Variants in EFR3A observed in about 807,000 individuals in gnomAD.
EFR3A encodes the protein protein EFR3 homolog A.
A neutral mutation model predicts 104.4 loss-of-function variants in EFR3A; 76 were observed. The ratio of observed to expected loss-of-function variants is 0.73; its 90% CI spans 0.60 to 0.88. EFR3A has a LOEUF of 0.88. Among genes scored for constraint, EFR3A ranks in the 40% least tolerant of loss-of-function variants. The pLI, the probability that EFR3A is intolerant of heterozygous loss-of-function variation, is 0.00. For synonymous variants in EFR3A, 330 were observed against 330.0 expected, an observed-to-expected ratio of 1.00 and a Z score of 0.00; for missense variants, 985 against 1,012.5, an observed-to-expected ratio of 0.97 and a Z score of 0.37.
chr8:132,004,327 T>C (rs1821931373), intron 22 of EFR3A, among the ~76,000 whole-genome samples: 1 of 152,210 alleles, frequency 6.6e-6, no homozygotes, highest in South Asian at 2.1e-4. Flanking sequence ...AGGTGAGCAG[T>C]GGGCAAGTGA....
At chr8:131,962,894 T>A (rs1819462021) in intron 8 of EFR3A, among the ~76,000 whole-genome samples, 1 of 152,152 alleles carries the variant, frequency 6.6e-6, no homozygotes, top group African/African-American at 2.4e-5. Context: ...GCAATCAAAG[T>A]AGAACTCAGG....
In EFR3A at chr8:131,925,494, G is replaced by T. The variant is rs1394321964; in HGVS notation, c.11-15005G>T. Among the ~76,000 whole-genome samples the T allele has an allele frequency of 2.0e-5, 3 of 151,918 alleles. No individual in the cohort carries two copies. The East Asian group carries it at 5.8e-4, about 29-fold the overall frequency. ...CAATAATATGTGATGAGCATCCAGA[G>T]AATTATATAAAAATGATTATGAAGA... On this transcript the variant is annotated intron_variant, in intron 1 of 22. Transcript: ENST00000254624.
chr8:131,981,814 G>A (rs142799866), intron 14 of EFR3A, among the ~76,000 whole-genome samples: 2 of 151,936 alleles, frequency 1.3e-5, no homozygotes, highest in East Asian at 1.9e-4. Context: ...TTTGAAAAAC[G>A]GTTCCAGGGC....
intron 2 of EFR3A, among the ~76,000 whole-genome samples, chr8:131,943,598 G>A (rs2130569611): frequency 6.6e-6 from 1 of 152,080 alleles, no homozygotes; most frequent in South Asian, 2.1e-4. Flanking sequence ...CTCAACTTAG[G>A]TTCATTTGAC....
At chr8:131,995,267 A>C (rs1475684182) in intron 18 of EFR3A, among the ~76,000 whole-genome samples, 1 of 152,158 alleles carries the variant, frequency 6.6e-6, no homozygotes, top group African/African-American at 2.4e-5. Context: ...ATCAGCCTCT[A>C]ATTCTATATG....
intron 19 of EFR3A, among the ~76,000 whole-genome samples, chr8:131,996,818 C>CT (rs1282097403): frequency 6.6e-6 from 1 of 152,030 alleles, no homozygotes; most frequent in South Asian, 2.1e-4. Flanking sequence ...CAAAGCCTGT[C>CT]ATTAAATTAG....
chr8:131,930,557 A>G (rs1191564970), intron 1 of EFR3A, among the ~76,000 whole-genome samples: 1 of 151,972 alleles, frequency 6.6e-6, no homozygotes, highest in Admixed American at 6.6e-5. Context: ...TTCCTTTACT[A>G]TACTTGAAAT....
chr8:131,965,514 C>T (rs1239746389), intron 8 of EFR3A, among the ~76,000 whole-genome samples: 6 of 152,188 alleles, frequency 3.9e-5, no homozygotes, highest in Non-Finnish European at 8.8e-5. Flanking sequence ...CAATGAGATA[C>T]CATCTCACGC....
chr8:132,001,398 G>T (rs1368731995), intron 19 of EFR3A, among the ~76,000 whole-genome samples: 2 of 152,178 alleles, frequency 1.3e-5, no homozygotes, highest in Non-Finnish European at 2.9e-5. Context: ...CTCTCTCAGA[G>T]CATTGTTTAC....
At chr8:131,942,595 A>C (rs1309072455) in intron 2 of EFR3A, among the ~76,000 whole-genome samples, 1 of 152,112 alleles carries the variant, frequency 6.6e-6, no homozygotes, top group Non-Finnish European at 1.5e-5. Context: ...TTGCTTTCCT[A>C]ATGTCTATCA....
chr8:131,924,993 A>G (rs1817231290), intron 1 of EFR3A, among the ~76,000 whole-genome samples: 1 of 152,080 alleles, frequency 6.6e-6, no homozygotes, highest in Non-Finnish European at 1.5e-5. Context: ...TTCAACAAAA[A>G]TTAGTTAATG....
Position 131,944,766 on chromosome 8 carries a change from A to G in EFR3A, c.109A>G (p.Met37Val). 1 of 1,600,008 alleles carries G rather than the reference A, an allele frequency of 6.2e-7. No individual in the cohort carries two copies. Among genetic ancestry groups the G allele is most frequent in the Non-Finnish European group, 8.5e-7 (1 of 1,173,452 alleles). ...TTAGGATGGCCTTGTGAAAACTGAT[A>G]TGGAGAAATTGACATTTTATGCAGT... ...DPKDGLVKTD[M>V]EKLTFYAVSA... Residue 37 changes from methionine (M) to valine (V), a missense_variant, in exon 3 of 23, where the codon ATG (methionine) becomes GTG (valine). Transcript: ENST00000254624.
intron 18 of EFR3A, 57 bp from the exon 19 acceptor site, chr8:131,996,349 A>T: frequency 9.0e-7 from 1 of 1,106,174 alleles, no homozygotes; most frequent in Non-Finnish European, 1.3e-6. Context: ...GAGTTTATAA[A>T]TGAAAACCAA....
intron 18 of EFR3A, among the ~76,000 whole-genome samples, chr8:131,995,790 TA>T (rs966300760): frequency 6.6e-6 from 1 of 152,164 alleles, no homozygotes; most frequent in Non-Finnish European, 1.5e-5. Flanking sequence ...AGCACTCAGG[TA>T]AAGACAACAT....
intron 2 of EFR3A, among the ~76,000 whole-genome samples, chr8:131,941,648 A>T (rs941688149): frequency 6.6e-6 from 1 of 152,144 alleles, no homozygotes; most frequent in Non-Finnish European, 1.5e-5. Flanking sequence ...TGCATAAATC[A>T]GTAAGTAAAA....
At chr8:131,964,516 G>C (rs1310654168) in intron 8 of EFR3A, among the ~76,000 whole-genome samples, 1 of 151,938 alleles carries the variant, frequency 6.6e-6, no homozygotes. Flanking sequence ...AACTTACAGG[G>C]GATGTGAAGG....
chr8:131,953,222 A>T (rs909625768), intron 5 of EFR3A, among the ~76,000 whole-genome samples: 1 of 152,108 alleles, frequency 6.6e-6, no homozygotes, highest in Non-Finnish European at 1.5e-5. Context: ...ATATTGATAC[A>T]TTTTAAGTCA....
intron 8 of EFR3A, 100 bp from the exon 9 acceptor site, chr8:131,968,195 T>C: frequency 2.7e-6 from 3 of 1,109,656 alleles, no homozygotes; most frequent in Non-Finnish European, 3.8e-6. Flanking sequence ...CACCAGTCAC[T>C]AATTGGTCAT....
chr8:131,915,848 G>A (rs182328528), intron 1 of EFR3A, among the ~76,000 whole-genome samples: 2 of 152,182 alleles, frequency 1.3e-5, no homozygotes, highest in African/African-American at 4.8e-5. Flanking sequence ...GCACACCTGC[G>A]CATGGTAATT....
Sources: gnomAD v4.1 joint callset for allele counts (sites outside exome capture counted in the v4.1 genomes callset) on GRCh38, gnomAD v4.1.1 for gene constraint, MANE v1.5 for transcripts, NCBI Gene and HGNC (gene_info 2026-07-23, HGNC 2026-07-21) for gene names.